Variants in DOCK1 observed in about 807,000 individuals in gnomAD.
DOCK1 encodes the protein dedicator of cytokinesis protein 1.
DOCK1 carries 138 observed loss-of-function variants against 262.7 expected under a neutral mutation model. The ratio of observed to expected loss-of-function variants is 0.53; its 90% CI spans 0.46 to 0.61. DOCK1 has a LOEUF of 0.61. Ranked by LOEUF, DOCK1 falls within the 20% of genes least tolerant of loss-of-function variation. The pLI is 0.00. For missense variants in DOCK1, 1,908 were observed against 2,370.7 expected, an observed-to-expected ratio of 0.80 and a Z score of 4.05; for synonymous variants, 866 against 867.4, an observed-to-expected ratio of 1.00 and a Z score of 0.03.
chr10:126,924,402 AGTGCTGGAACTCAGTAGGGGGAG>A lies in DOCK1; in HGVS notation c.46+18841_46+18863del, dbSNP rs1240948024. Reference sequence around the variant, plus strand: ...TGGAACTCAGTAGGGGGAGGCTGTGAGTGCTGGAACTCAGTAGGGGGAGGCTGTGAGTGCTGGAACTCAGTAGC... The same window carrying A: ...TGGAACTCAGTAGGGGGAGGCTGTGAGCTGTGAGTGCTGGAACTCAGTAGC... On this transcript the variant is annotated intron_variant, in intron 1 of 51. Coordinates refer to ENST00000623213, the MANE Select transcript of DOCK1 (RefSeq NM_001290223.2). Among the ~76,000 whole-genome samples, 646 of 120,298 alleles carry A rather than the reference AGTGCTGGAACTCAGTAGGGGGAG, an allele frequency of 5.4e-3. 10 individuals carry two copies. The highest frequency in any genetic ancestry group is 0.02 in the African/African-American group (597 of 30,002). The allele number at this position is 120,298 out of a possible 152,430, so 78.9% of individuals were successfully genotyped here.
At chr10:127,285,799 C>T (rs527378549) in intron 29 of DOCK1, among the ~76,000 whole-genome samples, 1 of 152,312 alleles carries the variant, frequency 6.6e-6, no homozygotes, top group South Asian at 2.1e-4. Context: ...GTCTAACCCT[C>T]CTGCTTGACG....
chr10:127,262,142 C>G (rs1286320547), intron 29 of DOCK1, among the ~76,000 whole-genome samples: 2 of 97,666 alleles, frequency 2.0e-5, no homozygotes, highest in African/African-American at 8.2e-5. Flanking sequence ...CCGTGCTCGT[C>G]TGTGTGTGTA....
intron 1 of DOCK1, among the ~76,000 whole-genome samples, chr10:126,949,758 G>C (rs915613914): frequency 7.9e-5 from 12 of 152,270 alleles, no homozygotes; most frequent in Admixed American, 5.2e-4. Context: ...GCTTGTGACA[G>C]TCCTTGTATG....
chr10:127,145,138 A>G (rs1592209771), intron 27 of DOCK1, among the ~76,000 whole-genome samples: 1 of 152,098 alleles, frequency 6.6e-6, no homozygotes, highest in South Asian at 2.1e-4. Context: ...TCTGGAGTGC[A>G]CCTGCGGCTC....
intron 27 of DOCK1, among the ~76,000 whole-genome samples, chr10:127,195,474 T>TCG (rs1478774046): frequency 4.0e-4 from 61 of 152,076 alleles, no homozygotes; most frequent in African/African-American, 1.4e-3. Context: ...TCACTGCTGC[T>TCG]CGCGCCTCTC....
At chr10:127,225,194 G>T (rs2058591003) in intron 27 of DOCK1, among the ~76,000 whole-genome samples, 1 of 152,128 alleles carries the variant, frequency 6.6e-6, no homozygotes, top group African/African-American at 2.4e-5. Context: ...CATTACTAAG[G>T]CGCATGTAAT....
intron 27 of DOCK1, among the ~76,000 whole-genome samples, chr10:127,179,747 C>G (rs2055545690): frequency 6.6e-6 from 1 of 152,204 alleles, no homozygotes; most frequent in Non-Finnish European, 1.5e-5. Flanking sequence ...GGAACCTTCT[C>G]CCACACTATT....
At chr10:127,419,297 G>C (rs2068354659) in intron 45 of DOCK1, among the ~76,000 whole-genome samples, 2 of 152,202 alleles carry the variant, frequency 1.3e-5, no homozygotes, top group African/African-American at 4.8e-5. Flanking sequence ...GAAGTTTGTT[G>C]CCTTCAGGTG....
At chr10:126,948,485 G>T (rs900875820) in intron 1 of DOCK1, among the ~76,000 whole-genome samples, 3 of 151,844 alleles carry the variant, frequency 2.0e-5, no homozygotes, top group Non-Finnish European at 2.9e-5. Context: ...GCTGGTGAGG[G>T]TGATGAAGGT....
chr10:126,919,238 A>G (rs137970542), intron 1 of DOCK1, among the ~76,000 whole-genome samples: 2 of 152,332 alleles, frequency 1.3e-5, no homozygotes, highest in Non-Finnish European at 2.9e-5. Context: ...GAATAAAGGC[A>G]CTTATCAACC....
At chr10:127,179,984 G>A (rs1015905988) in intron 27 of DOCK1, among the ~76,000 whole-genome samples, 7 of 152,292 alleles carry the variant, frequency 4.6e-5, no homozygotes, top group Admixed American at 2.6e-4. Context: ...CGAGGCACAC[G>A]ATTTTGGGAT....
At chr10:127,274,286 G>A (rs972540293) in intron 29 of DOCK1, among the ~76,000 whole-genome samples, 2 of 152,200 alleles carry the variant, frequency 1.3e-5, no homozygotes, top group African/African-American at 4.8e-5. Context: ...ACTTTTGGGT[G>A]AAGAGGGACT....
chr10:127,354,643 G>C (rs1186761115), intron 31 of DOCK1, 26 bp from the exon 32 acceptor site: 2 of 1,613,572 alleles, frequency 1.2e-6, no homozygotes, highest in Non-Finnish European at 8.5e-7. Flanking sequence ...GAGTGATTCA[G>C]CGTTTTTCTT....
At chr10:127,188,842 T>C (rs960770038) in intron 27 of DOCK1, among the ~76,000 whole-genome samples, 3 of 152,176 alleles carry the variant, frequency 2.0e-5, no homozygotes, top group African/African-American at 7.2e-5. Context: ...GAAGGAGAAA[T>C]TACTATTTGT....
chr10:127,089,185 G>T (rs2136080104), intron 23 of DOCK1, among the ~76,000 whole-genome samples: 1 of 152,262 alleles, frequency 6.6e-6, no homozygotes, highest in South Asian at 2.1e-4. Flanking sequence ...GGAGTGCCTT[G>T]TCCCTGGACC....
At chr10:127,032,366 A>C (rs746520692) in intron 18 of DOCK1, 46 bp downstream of exon 18, 51 of 1,457,524 alleles carry the variant, frequency 3.5e-5, no homozygotes, top group Non-Finnish European at 4.6e-5. Context: ...GCTCTGCCCC[A>C]GTCCTGTCTT....
intron 28 of DOCK1, among the ~76,000 whole-genome samples, chr10:127,253,429 A>G (rs1028820997): frequency 6.6e-6 from 1 of 152,122 alleles, no homozygotes; most frequent in South Asian, 2.1e-4. Flanking sequence ...CTACAATTCA[A>G]TTCAATTCTG....
In DOCK1 at chr10:127,130,024, G is replaced by A. The variant is rs557254039; in HGVS notation, c.2847+2260G>A. Among the ~76,000 whole-genome samples the A allele has an allele frequency of 2.0e-5, 3 of 149,142 alleles. No homozygotes were observed. In the South Asian group the frequency reaches 6.3e-4, roughly 31 times the overall value. On this transcript the variant is annotated intron_variant, in intron 27 of 51. Coordinates refer to ENST00000623213, the MANE Select transcript of DOCK1 (RefSeq NM_001290223.2). ...GTCTCTGGTTAGGGGGTGTGGTCCT[G>A]TCTCTAGTTGGGGCACAATCCTGCC...
chr10:127,259,180 CG>C (rs1366562907), intron 29 of DOCK1, among the ~76,000 whole-genome samples: 1 of 152,158 alleles, frequency 6.6e-6, no homozygotes, highest in Non-Finnish European at 1.5e-5. Flanking sequence ...AGCTCTGGCC[CG>C]GGGAGCAGAG....
Sources: gnomAD v4.1 joint callset for allele counts (sites outside exome capture counted in the v4.1 genomes callset) on GRCh38, gnomAD v4.1.1 for gene constraint, MANE v1.5 for transcripts, NCBI Gene and HGNC (gene_info 2026-07-23, HGNC 2026-07-21) for gene names.